The following CLVS1 variants were observed in gnomAD, a reference collection of about 807,000 sequenced individuals.
CLVS1 encodes the protein clavesin 1, also known as clavesin-1.
A neutral mutation model predicts 33.1 loss-of-function variants in CLVS1; 10 were observed. The ratio of observed to expected loss-of-function variants is 0.30; its 90% confidence interval spans 0.19 to 0.51. CLVS1 has a LOEUF of 0.51. Among genes scored for constraint, CLVS1 ranks in the 20% least tolerant of loss-of-function variants. CLVS1 has a pLI of 0.97. For synonymous variants in CLVS1, 163 were observed against 166.1 expected (o/e 0.98, Z 0.14); for missense variants, 343 against 433.4 (o/e 0.79, Z 1.85).
chr8:61,065,099 A>G (rs994807098), intron 1 of CLVS1, among the ~76,000 whole-genome samples: 6 of 152,206 alleles, frequency 3.9e-5, no homozygotes, highest in East Asian at 1.9e-4. Context: ...TCTGTGGGCA[A>G]TTGGTTCCAG....
chr8:61,370,709 T>C (rs1009986080), intron 2 of CLVS1: 1 of 152,174 alleles, frequency 6.6e-6, no homozygotes, highest in Non-Finnish European at 1.5e-5. Context: ...CTTATACCTT[T>C]GCATCCTCAT....
intron 1 of CLVS1, among the ~76,000 whole-genome samples, chr8:61,107,677 C>A (rs961836088): frequency 6.6e-6 from 1 of 152,200 alleles, no homozygotes; most frequent in Non-Finnish European, 1.5e-5. Context: ...GCTGGTTCTC[C>A]GTGAAGATGA....
the CLVS1 span, among the ~76,000 whole-genome samples, chr8:61,018,143 T>C: frequency 6.6e-6 from 1 of 152,182 alleles, no homozygotes; most frequent in Non-Finnish European, 1.5e-5. Context: ...ACGTATGCAT[T>C]ATCACCCCTA....
intron 3 of CLVS1, among the ~76,000 whole-genome samples, chr8:61,410,068 T>G (rs547961308): frequency 1.6e-3 from 222 of 141,384 alleles, no homozygotes; most frequent in African/African-American, 5.2e-3. Flanking sequence ...TTGCAGAGGT[T>G]TTTTTTTTTT....
intron 2 of CLVS1, among the ~76,000 whole-genome samples, chr8:61,183,387 T>G (rs1807279628): frequency 6.6e-6 from 1 of 152,244 alleles, no homozygotes; most frequent in Non-Finnish European, 1.5e-5. Context: ...GTATATCCTC[T>G]GAATTTTCAC....
At chr8:61,178,579 G>A (rs970657879) in intron 2 of CLVS1, among the ~76,000 whole-genome samples, 5 of 152,146 alleles carry the variant, frequency 3.3e-5, no homozygotes, top group Non-Finnish European at 5.9e-5. Context: ...AGGAAAAAAT[G>A]TTAAGGGCAG....
At chr8:61,345,550 T>A (rs1249650243) in intron 2 of CLVS1, among the ~76,000 whole-genome samples, 1 of 152,004 alleles carries the variant, frequency 6.6e-6, no homozygotes, top group Non-Finnish European at 1.5e-5. Context: ...CCTAATTACA[T>A]TTGGATGACT....
the CLVS1 span, among the ~76,000 whole-genome samples, chr8:60,981,595 T>C: frequency 6.6e-6 from 1 of 152,056 alleles, no homozygotes; most frequent in African/African-American, 2.4e-5. Context: ...GTAACTGCAA[T>C]GTCATTGTGC....
At chr8:61,381,914 C>G (rs557979488) in intron 3 of CLVS1, among the ~76,000 whole-genome samples, 3 of 152,018 alleles carry the variant, frequency 2.0e-5, no homozygotes, top group Non-Finnish European at 2.9e-5. Context: ...ATGCATGTGC[C>G]TTTGTGGTAG....
At chr8:61,325,735 G>A (rs1811358086) in intron 2 of CLVS1, among the ~76,000 whole-genome samples, 1 of 152,068 alleles carries the variant, frequency 6.6e-6, no homozygotes, top group South Asian at 2.1e-4. Context: ...TTTGTGTTAG[G>A]ACCATCTCAT....
the CLVS1 span, among the ~76,000 whole-genome samples, chr8:61,008,464 C>CT: frequency 0.14 from 18,306 of 134,990 alleles, 2,177 homozygotes; most frequent in African/African-American, 0.32. Context: ...TGGGGATTTA[C>CT]TTTTTTTTTT....
Position 61,165,210 on chromosome 8 carries a change from G to A in CLVS1, c.-152+33350G>A, listed in dbSNP as rs538534994. Among the ~76,000 whole-genome samples, 31 of 152,324 alleles carry A rather than the reference G, an allele frequency of 2.0e-4. No homozygotes were observed. In the East Asian group the frequency reaches 2.3e-3, roughly 11 times the overall value. On this transcript the variant is annotated intron_variant, in intron 2 of 2. Transcript: ENST00000522621. ...GCATAGCAGACACCCTGCTGGATCC[G>A]GAAGAATGGAAGTCAGCGGCGGGTC...
intron 1 of CLVS1, among the ~76,000 whole-genome samples, chr8:61,128,006 C>A (rs1186416669): frequency 6.6e-6 from 1 of 152,222 alleles, no homozygotes; most frequent in Non-Finnish European, 1.5e-5. Context: ...ATGTTGAAAG[C>A]AACCATAGTG....
chr8:61,326,334 C>T (rs771782375), intron 2 of CLVS1, among the ~76,000 whole-genome samples: 1 of 152,114 alleles, frequency 6.6e-6, no homozygotes, highest in African/African-American at 2.4e-5. Flanking sequence ...TTCACTCATT[C>T]GATTGCATTT....
At chr8:61,254,104 G>T (rs1029672720) in intron 2 of CLVS1, among the ~76,000 whole-genome samples, 1 of 152,124 alleles carries the variant, frequency 6.6e-6, no homozygotes, top group South Asian at 2.1e-4. Flanking sequence ...TTTTGGTGTG[G>T]ATGTCCTTTC....
At chr8:61,380,508 C>A (rs755731320) in intron 3 of CLVS1, among the ~76,000 whole-genome samples, 1 of 152,000 alleles carries the variant, frequency 6.6e-6, no homozygotes, top group Non-Finnish European at 1.5e-5. Context: ...TATTAAGTTG[C>A]CCCAGTTACA....
intron 1 of CLVS1, among the ~76,000 whole-genome samples, chr8:61,298,029 G>T (rs982070928): frequency 2.8e-4 from 42 of 152,258 alleles, no homozygotes; most frequent in African/African-American, 9.6e-4. Context: ...TTAACACCTT[G>T]TAGTGCATAA....
chr8:61,039,990 T>A, the CLVS1 span, among the ~76,000 whole-genome samples: 1 of 152,276 alleles, frequency 6.6e-6, no homozygotes, highest in South Asian at 2.1e-4. Flanking sequence ...CCCTTGACCC[T>A]CTCCGCCTCA....
intron 3 of CLVS1, among the ~76,000 whole-genome samples, chr8:61,385,483 C>G (rs963400492): frequency 4.6e-5 from 7 of 152,140 alleles, no homozygotes; most frequent in African/African-American, 1.4e-4. Flanking sequence ...GAACCTTGCC[C>G]TGCACAGCCC....
Sources: allele counts gnomAD v4.1 joint callset (sites outside exome capture counted in the v4.1 genomes callset), GRCh38; gene constraint gnomAD v4.1.1; transcripts MANE v1.5; gene names NCBI Gene and HGNC (gene_info 2026-07-23, HGNC 2026-07-21).